The following DMD variants were observed in gnomAD, a reference collection of about 807,000 sequenced individuals.
The protein encoded by DMD is mutant dystrophin.
Under a neutral mutation model 330.1 loss-of-function variants are expected in DMD, and 63 were observed. The ratio of observed to expected loss-of-function variants is 0.19; its 90% CI spans 0.16 to 0.24. The LOEUF (loss-of-function observed/expected upper bound fraction) is 0.24, where lower values mean the gene tolerates loss of function less well. Among genes scored for constraint, DMD ranks in the 10% least tolerant of loss-of-function variants. The probability of loss-of-function intolerance (pLI) is 1.00; values close to 1 mark genes in which losing one functional copy is unlikely to be tolerated. For synonymous variants in DMD, 1,223 were observed against 959.8 expected (o/e 1.27, Z -5.07); for missense variants, 3,344 against 2,684.1 (o/e 1.25, Z -5.43).
chrX:32,760,215 C>T (rs2072094019), intron 7 of DMD, among the ~76,000 whole-genome samples: 1 of 111,659 alleles, frequency 9.0e-6, no homozygotes, highest in African/African-American at 3.3e-5. Context: ...ATAAAAGAAA[C>T]ATTACTGTAA....
intron 13 of DMD, 144 bp from the exon 14 acceptor site, chrX:32,573,990 A>T (rs72468695): frequency 3.9e-6 from 2 of 511,669 alleles, no homozygotes; most frequent in African/African-American, 4.6e-5. Flanking sequence ...ATCTGCTTAC[A>T]TTTAAATAAG....
intron 60 of DMD, among the ~76,000 whole-genome samples, chrX:31,407,919 T>C (rs1418130482): frequency 9.0e-6 from 1 of 111,619 alleles, no homozygotes; most frequent in African/African-American, 3.3e-5. Flanking sequence ...ACACACAACA[T>C]TTAACCAGAA....
At chrX:32,791,968 G>C (rs1224928961) in intron 7 of DMD, among the ~76,000 whole-genome samples, 1 of 111,670 alleles carries the variant, frequency 9.0e-6, no homozygotes, top group Non-Finnish European at 1.9e-5. Context: ...AAGACAAAAA[G>C]AGAATTCTAA....
intron 44 of DMD, among the ~76,000 whole-genome samples, chrX:32,043,072 A>T (rs1485950777): frequency 8.9e-6 from 1 of 111,811 alleles, no homozygotes; most frequent in East Asian, 2.8e-4. Context: ...ATTCTCCATG[A>T]TGTGACTATT....
intron 7 of DMD, among the ~76,000 whole-genome samples, chrX:32,782,537 C>T (rs987030184): frequency 9.0e-6 from 1 of 110,748 alleles, no homozygotes; most frequent in Admixed American, 9.7e-5. Context: ...GAAAATAGGG[C>T]CAGTCATTGT....
At chrX:31,294,876 G>C (rs2054041078) in intron 62 of DMD, among the ~76,000 whole-genome samples, 1 of 112,377 alleles carries the variant, frequency 8.9e-6, no homozygotes, top group Non-Finnish European at 1.9e-5. Context: ...ACGTAGTGTT[G>C]ATTGAAGAGT....
intron 44 of DMD, among the ~76,000 whole-genome samples, chrX:31,983,905 G>T (rs1218601373): frequency 9.0e-6 from 1 of 111,355 alleles, no homozygotes; most frequent in Admixed American, 9.6e-5. Context: ...AAGTTGTCCT[G>T]CAGATAAAGG....
intron 1 of DMD, among the ~76,000 whole-genome samples, chrX:33,172,690 T>C (rs2049420296): frequency 8.9e-6 from 1 of 112,118 alleles, no homozygotes; most frequent in South Asian, 3.6e-4. Context: ...GATCTTATCC[T>C]GCATTTAACG....
chrX:32,521,757 C>T (rs2046446132), intron 17 of DMD, among the ~76,000 whole-genome samples: 2 of 112,201 alleles, frequency 1.8e-5, no homozygotes, highest in South Asian at 7.4e-4. Flanking sequence ...GCATCACCAT[C>T]CCTCATATTT....
chrX:31,700,687 G>A (rs1300416165), intron 52 of DMD, among the ~76,000 whole-genome samples: 4 of 111,649 alleles, frequency 3.6e-5, no homozygotes, highest in Non-Finnish European at 7.5e-5. Flanking sequence ...AATTAAATAG[G>A]TGAATGCTGA....
intron 7 of DMD, among the ~76,000 whole-genome samples, chrX:32,741,229 C>T (rs971442716): frequency 4.5e-5 from 5 of 111,139 alleles, no homozygotes; most frequent in African/African-American, 9.8e-5. Context: ...TACAATAAAG[C>T]GATGTGATAA....
intron 53 of DMD, among the ~76,000 whole-genome samples, chrX:31,673,936 T>C (rs748602311): frequency 2.3e-4 from 26 of 111,933 alleles, no homozygotes; most frequent in African/African-American, 7.8e-4. Flanking sequence ...AAAGTACTAT[T>C]GGGTTATTGA....
chrX:32,969,208 T>TTTTCCTTTTTGAGACAG (rs2092297029), intron 2 of DMD, among the ~76,000 whole-genome samples: 7 of 93,487 alleles, frequency 7.5e-5, no homozygotes, highest in African/African-American at 1.9e-4. Context: ...TTCTGCTCTT[T>TTTTCCTTTTTGAGACAG]ATAAACCACC....
chrX:33,234,620 T>C (rs2052443673), intron 1 of DMD, among the ~76,000 whole-genome samples: 1 of 111,751 alleles, frequency 8.9e-6, no homozygotes, highest in South Asian at 3.8e-4. Context: ...AAATGTTCTT[T>C]TAGAAGAAAT....
chrX:32,949,332 A>G (rs1312637664), intron 2 of DMD, among the ~76,000 whole-genome samples: 1 of 80,585 alleles, frequency 1.2e-5, no homozygotes, highest in East Asian at 3.9e-4. Flanking sequence ...TTAGATAGGT[A>G]GGTAGGTAGG....
At chrX:33,298,024 A>G (rs1191525294) in intron 1 of DMD, among the ~76,000 whole-genome samples, 1 of 111,445 alleles carries the variant, frequency 9.0e-6, no homozygotes, top group Non-Finnish European at 1.9e-5. Flanking sequence ...ACCGTGTTGT[A>G]TATCTTAAAT....
intron 7 of DMD, among the ~76,000 whole-genome samples, chrX:32,724,636 T>TC (rs943155385): frequency 9.0e-6 from 1 of 111,487 alleles, no homozygotes; most frequent in Non-Finnish European, 1.9e-5. Context: ...AGCTCACATA[T>TC]CCCATGGCAC....
chrX:32,078,353 C>A (rs779908218), intron 44 of DMD, among the ~76,000 whole-genome samples: 2 of 112,036 alleles, frequency 1.8e-5, no homozygotes, highest in South Asian at 7.4e-4. Context: ...GTCCAAGCCA[C>A]TATCATCTCT....
chrX:32,516,258 C>T (rs1305605599), intron 18 of DMD, among the ~76,000 whole-genome samples: 1 of 111,621 alleles, frequency 9.0e-6, no homozygotes, highest in Non-Finnish European at 1.9e-5. Flanking sequence ...ATTTTTAATA[C>T]ATATACATTG....
Sources: gnomAD v4.1 joint callset for allele counts (sites outside exome capture counted in the v4.1 genomes callset) on GRCh38, gnomAD v4.1.1 for gene constraint, MANE v1.5 for transcripts, NCBI Gene and HGNC (gene_info 2026-07-23, HGNC 2026-07-21) for gene names.